The following CREBBP variants were observed in gnomAD, a reference collection of about 807,000 sequenced individuals.
The protein encoded by CREBBP is CREB binding lysine acetyltransferase.
A neutral mutation model predicts 265.0 loss-of-function variants in CREBBP; 19 were observed. The observed-to-expected ratio is 0.07, with a 90% CI of 0.05 to 0.11. The LOEUF (loss-of-function observed/expected upper bound fraction) is 0.11, where lower values mean the gene tolerates loss of function less well. CREBBP is among the 10% of genes least tolerant of loss of function. CREBBP has a pLI of 1.00. For synonymous variants in CREBBP, 1,457 were observed against 1,223.7 expected (o/e 1.19, Z -3.98); for missense variants, 2,525 against 3,219.0 (o/e 0.78, Z 5.22).
At chr16:3,749,790 A>G (rs1397919671) in intron 20 of CREBBP, 107 bp from the exon 21 acceptor site, 2 of 700,638 alleles carry the variant, frequency 2.9e-6, no homozygotes, top group Admixed American at 5.1e-5. Flanking sequence ...TCAAACAAAA[A>G]GACATGATGG....
intron 1 of CREBBP, among the ~76,000 whole-genome samples, chr16:3,858,219 A>T (rs1476904624): frequency 6.6e-6 from 1 of 152,254 alleles, no homozygotes; most frequent in South Asian, 2.1e-4. Flanking sequence ...GTGGGTGGCT[A>T]AATCAATCTG....
intron 16 of CREBBP, among the ~76,000 whole-genome samples, chr16:3,765,675 C>T (rs919815913): frequency 6.6e-6 from 1 of 152,056 alleles, no homozygotes; most frequent in Non-Finnish European, 1.5e-5. Context: ...TGAGACAGGG[C>T]CTCACTCTGT....
chr16:3,782,396 T>C (rs949942526), intron 6 of CREBBP, among the ~76,000 whole-genome samples: 2 of 152,252 alleles, frequency 1.3e-5, no homozygotes, highest in Non-Finnish European at 2.9e-5. Context: ...TCCTGACTTG[T>C]GAGATCTGCA....
chr16:3,773,732 TC>T lies in CREBBP; in HGVS notation c.2463+18del. ...AATTTTATTTCCTAGGGAGCCACGG[TC>T]CCAGTGGGGCACAGTACCTGTGACA... On this transcript the variant is annotated intron_variant, in intron 13 of 30. Transcript: ENST00000262367. 1 of 1,612,224 alleles carries T rather than the reference TC, an allele frequency of 6.2e-7. No homozygotes were observed. The highest frequency in any genetic ancestry group is 8.5e-7 in the Non-Finnish European group (1 of 1,179,138).
At chr16:3,819,840 G>A (rs1216278231) in intron 2 of CREBBP, among the ~76,000 whole-genome samples, 1 of 151,990 alleles carries the variant, frequency 6.6e-6, no homozygotes, top group Non-Finnish European at 1.5e-5. Flanking sequence ...AAACATAGAA[G>A]AACTGAACAT....
chr16:3,810,420 T>C (rs1307537905), intron 3 of CREBBP, among the ~76,000 whole-genome samples, 183 bp downstream of exon 3: 1 of 152,150 alleles, frequency 6.6e-6, no homozygotes, highest in African/African-American at 2.4e-5. Context: ...ATCTCTCCTG[T>C]TGCTAGCTCA....
chr16:3,738,582 A>G lies in CREBBP; in HGVS notation c.4371T>C (p.Tyr1457=), dbSNP rs377694434. Reference sequence around the variant, plus strand: ...ACCCTAATTTCTTCACATACTCTAAATATCCAATAAGGATCTCATGGTAAA... The same window carrying G: ...ACCCTAATTTCTTCACATACTCTAAGTATCCAATAAGGATCTCATGGTAAA... ...TAVYHEILIG[Y]LEYVKKLGYV... is the part of the protein sequence containing the mutation. The change falls in exon 26 of 31, where the codon TAT becomes TAC. Residue 1457 remains tyrosine, a synonymous_variant. Coordinates refer to ENST00000262367, the MANE Select transcript of CREBBP (RefSeq NM_004380.3). 1.1e-5 allele frequency: 17 copies of G among 1,611,320 alleles called. No homozygotes were observed. Among genetic ancestry groups the G allele is most frequent in the Non-Finnish European group, 1.4e-5 (17 of 1,177,538 alleles).
intron 12 of CREBBP, among the ~76,000 whole-genome samples, chr16:3,774,143 G>C (rs546987967): frequency 6.6e-6 from 1 of 152,176 alleles, no homozygotes; most frequent in Admixed American, 6.5e-5. Context: ...TCTCTCAAAT[G>C]AGCCAGCTTC....
chr16:3,853,925 G>A (rs556515859), intron 1 of CREBBP, among the ~76,000 whole-genome samples: 65 of 151,988 alleles, frequency 4.3e-4, no homozygotes, highest in African/African-American at 1.4e-3. Context: ...CAACAAGAGC[G>A]AAACTCCGTC....
intron 1 of CREBBP, among the ~76,000 whole-genome samples, chr16:3,879,568 T>C (rs1466840747): frequency 1.3e-5 from 2 of 152,204 alleles, no homozygotes; most frequent in African/African-American, 2.4e-5. Context: ...TCTTCCCTCC[T>C]GGAGTGCCAC....
intron 1 of CREBBP, among the ~76,000 whole-genome samples, chr16:3,853,933 G>A (rs576575513): frequency 9.9e-5 from 15 of 151,558 alleles, no homozygotes; most frequent in Admixed American, 5.9e-4. Context: ...GCGAAACTCC[G>A]TCTCAAAAAC....
At chr16:3,790,802 C>T (rs1016807326) in intron 5 of CREBBP, among the ~76,000 whole-genome samples, 1 of 152,152 alleles carries the variant, frequency 6.6e-6, no homozygotes, top group African/African-American at 2.4e-5. Context: ...ACTCCCTCGC[C>T]GCCAGAGGGA....
At chr16:3,733,957 A>G (rs968153917) in intron 28 of CREBBP, among the ~76,000 whole-genome samples, 4 of 152,206 alleles carry the variant, frequency 2.6e-5, no homozygotes, top group African/African-American at 9.6e-5. Context: ...GTCTATTTTT[A>G]CAAAATTATA....
In CREBBP at chr16:3,864,985, A is replaced by G. The variant is rs149167803; in HGVS notation, c.86-13976T>C. On this transcript the variant is annotated intron_variant, in intron 1 of 30. Transcript: ENST00000262367. ...GAGGCACCAGAATCACTTGAATCTG[A>G]GAGGTGGAGGCTGCAGTGAGCCAAG... 5.9e-3 allele frequency among the ~76,000 whole-genome samples: 892 copies of G among 152,232 alleles called. 8 individuals carry two copies. The highest frequency in any genetic ancestry group is 0.017 in the Middle Eastern group (5 of 294).
intron 1 of CREBBP, among the ~76,000 whole-genome samples, chr16:3,879,016 A>G (rs999299007): frequency 1.1e-3 from 50 of 44,480 alleles, no homozygotes; most frequent in African/African-American, 3.0e-3. Context: ...GAAAAATTGG[A>G]ATTCCTACAT....
intron 1 of CREBBP, among the ~76,000 whole-genome samples, chr16:3,859,633 G>T (rs759066395): frequency 2.0e-5 from 3 of 152,118 alleles, no homozygotes; most frequent in Non-Finnish European, 4.4e-5. Context: ...TAATTTCCAG[G>T]GAAGGGAGAG....
At chr16:3,840,431 C>T (rs1294039099) in intron 2 of CREBBP, 1 of 152,516 alleles carries the variant, frequency 6.6e-6, no homozygotes, top group African/African-American at 2.4e-5. Context: ...TTTTCAGGCT[C>T]TTTCTGGTCT....
chr16:3,849,426 T>TGTGTGTGTGTGTGTG (rs2054748982), intron 2 of CREBBP, among the ~76,000 whole-genome samples: 1 of 7,766 alleles, frequency 1.3e-4, no homozygotes, highest in African/African-American at 1.6e-4. Context: ...TGTGTGTGTG[T>TGTGTGTGTGTGTGTG]GTGTGTGTGT....
At chr16:3,813,008 G>C (rs1036615301) in intron 2 of CREBBP, 2 of 222,338 alleles carry the variant, frequency 9.0e-6, no homozygotes, top group African/African-American at 4.5e-5. Context: ...CAAACTCCTC[G>C]CCTGTAAGAT....
Sources: gnomAD v4.1 joint callset for allele counts (sites outside exome capture counted in the v4.1 genomes callset) on GRCh38, gnomAD v4.1.1 for gene constraint, MANE v1.5 for transcripts, NCBI Gene and HGNC (gene_info 2026-07-23, HGNC 2026-07-21) for gene names.